The following RNF180 variants were observed in gnomAD, a reference collection of about 807,000 sequenced individuals.
The protein encoded by RNF180 is E3 ubiquitin-protein ligase RNF180.
In RNF180, 38 loss-of-function variants were observed where a neutral mutation model predicts 59.2. That is an observed-to-expected ratio of 0.64 (90% CI 0.50 to 0.84). The LOEUF is 0.84. Among genes scored for constraint, RNF180 ranks in the 40% least tolerant of loss-of-function variants. The pLI is 0.00. For synonymous variants in RNF180, 262 were observed against 240.3 expected, an observed-to-expected ratio of 1.09 and a Z score of -0.84; for missense variants, 705 against 700.9, an observed-to-expected ratio of 1.01 and a Z score of -0.07.
Position 64,214,259 on chromosome 5 carries a change from G to A in RNF180, c.933G>A (p.Gln311=). The A allele has an allele frequency of 1.2e-6, 2 of 1,614,030 alleles. No homozygotes were observed. Among genetic ancestry groups the A allele is most frequent in the Non-Finnish European group, 1.7e-6 (2 of 1,179,990 alleles). Residue 311 remains glutamine, a synonymous_variant, in exon 4 of 8, where the codon CAG becomes CAA. Transcript: ENST00000389100. The stretch of plus-strand genomic sequence containing the variant: ...AGACACAAAGAGGAGGAGAATTTCA[G>A]TGTGGTCTAGAAGCTGCTTCAGTGT... ...ETQTQRGGEF[Q]CGLEAASVYS...
At chr5:64,291,824 T>G (rs1742605629) in intron 5 of RNF180, among the ~76,000 whole-genome samples, 1 of 152,312 alleles carries the variant, frequency 6.6e-6, no homozygotes, top group South Asian at 2.1e-4. Context: ...TCATGTTTCT[T>G]GAAGGTTTTA....
At chr5:64,242,522 A>G (rs576657460) in intron 5 of RNF180, among the ~76,000 whole-genome samples, 119 of 152,306 alleles carry the variant, frequency 7.8e-4, no homozygotes, top group Admixed American at 2.4e-3. Flanking sequence ...AGGACGAGAA[A>G]TGTAATAAGG....
intron 5 of RNF180, among the ~76,000 whole-genome samples, chr5:64,288,946 AG>A (rs1308356972): frequency 3.3e-5 from 5 of 152,282 alleles, no homozygotes; most frequent in African/African-American, 1.2e-4. Flanking sequence ...GAGTGGTGAG[AG>A]AGGGCATCCT....
chr5:64,311,456 A>T (rs1042890738), intron 5 of RNF180, among the ~76,000 whole-genome samples: 2 of 151,910 alleles, frequency 1.3e-5, no homozygotes, highest in African/African-American at 4.8e-5. Flanking sequence ...AAAAAAATAG[A>T]TGGAGATGTA....
Position 64,372,409 on chromosome 5 carries a change from G to T in RNF180, c.*2595G>T, listed in dbSNP as rs565022591. 17 of 151,920 alleles carry T rather than the reference G, an allele frequency of 1.1e-4. No individual in the cohort carries two copies. The highest frequency in any genetic ancestry group is 3.9e-4 in the African/African-American group (16 of 41,536). The allele number at this position is 151,920 out of a possible 1,614,324, so 9.4% of individuals were successfully genotyped here. A position where few individuals can be genotyped will look rare whatever the true frequency, so the allele number is the denominator to read the frequency against. ...ATCAGGAATGGAAAAAAAAATTTCT[G>T]TATCTGCTGAATTATTAATGCCACT... On this transcript the variant is annotated 3_prime_UTR_variant, in exon 8 of 8. Coordinates refer to ENST00000389100, the MANE Select transcript of RNF180 (RefSeq NM_001113561.2).
intron 1 of RNF180, among the ~76,000 whole-genome samples, chr5:64,171,855 T>A (rs1290252514): frequency 6.6e-6 from 1 of 151,470 alleles, no homozygotes; most frequent in Non-Finnish European, 1.5e-5. Context: ...CCCCCACCAA[T>A]AACTAACAGC....
intron 5 of RNF180, among the ~76,000 whole-genome samples, chr5:64,260,980 C>T (rs559801435): frequency 2.1e-4 from 31 of 148,474 alleles, no homozygotes; most frequent in African/African-American, 7.5e-4. Flanking sequence ...TGGATTTAAT[C>T]CAACAGTCAT....
intron 5 of RNF180, among the ~76,000 whole-genome samples, chr5:64,312,860 G>A (rs1385467382): frequency 6.6e-6 from 1 of 152,098 alleles, no homozygotes. Context: ...GGGTCTTCTA[G>A]TAGCTCTTCT....
intron 2 of RNF180, among the ~76,000 whole-genome samples, chr5:64,206,230 G>T (rs1283372991): frequency 1.3e-5 from 2 of 152,164 alleles, no homozygotes; most frequent in Non-Finnish European, 2.9e-5. Flanking sequence ...ACTTTTAGGG[G>T]CAGTTACCAA....
chr5:64,307,033 G>A (rs948659148), intron 5 of RNF180, among the ~76,000 whole-genome samples: 1 of 151,224 alleles, frequency 6.6e-6, no homozygotes, highest in Non-Finnish European at 1.5e-5. Flanking sequence ...CCATAAAATG[G>A]TTAATGTAAT....
Position 64,214,214 on chromosome 5 carries a change from A to C in RNF180, c.888A>C (p.Ser296=), listed in dbSNP as rs1752489257. The C allele has an allele frequency of 6.2e-7, 1 of 1,614,084 alleles. No individual in the cohort carries two copies. Among genetic ancestry groups the C allele is most frequent in the African/African-American group, 1.3e-5 (1 of 75,028 alleles). ...CTAGTATGCTGCTGCAAAGATTTTC[A>C]GTGGCCCCCCATGAGACCCAGACAC... ...FDPSMLLQRF[S]VAPHETQTQR... Residue 296 remains serine (S), a synonymous_variant, in exon 4 of 8, where the codon TCA becomes TCC. Coordinates refer to ENST00000389100, the MANE Select transcript of RNF180 (RefSeq NM_001113561.2).
intron 5 of RNF180, among the ~76,000 whole-genome samples, chr5:64,321,961 A>G (rs1744375240): frequency 1.3e-5 from 2 of 152,226 alleles, no homozygotes; most frequent in South Asian, 2.1e-4. Context: ...AGCCATATGC[A>G]GAAAACAAAC....
intron 5 of RNF180, among the ~76,000 whole-genome samples, chr5:64,294,724 A>G (rs1458420898): frequency 6.6e-6 from 1 of 152,186 alleles, no homozygotes; most frequent in South Asian, 2.1e-4. Flanking sequence ...GTATCATACT[A>G]TATTAAATTG....
chr5:64,242,768 T>C (rs570299081), intron 5 of RNF180, among the ~76,000 whole-genome samples: 18 of 152,284 alleles, frequency 1.2e-4, no homozygotes, highest in African/African-American at 3.4e-4. Flanking sequence ...TCAAGACATA[T>C]AATAATCACA....
chr5:64,261,968 T>C (rs1414042727), intron 5 of RNF180, among the ~76,000 whole-genome samples: 1 of 152,200 alleles, frequency 6.6e-6, no homozygotes, highest in Non-Finnish European at 1.5e-5. Context: ...CAGAGTCTTA[T>C]TGACCAGAAC....
intron 5 of RNF180, among the ~76,000 whole-genome samples, chr5:64,285,336 A>G (rs1396972158): frequency 6.6e-6 from 1 of 152,194 alleles, no homozygotes; most frequent in Non-Finnish European, 1.5e-5. Flanking sequence ...AGCAGGTTGT[A>G]TACATATCAG....
intron 7 of RNF180, among the ~76,000 whole-genome samples, chr5:64,340,539 G>A (rs1745316248): frequency 6.6e-6 from 1 of 152,212 alleles, no homozygotes; most frequent in African/African-American, 2.4e-5. Flanking sequence ...GCATGAGTGT[G>A]AATATAACGC....
chr5:64,234,434 C>A (rs1742283149), intron 5 of RNF180, among the ~76,000 whole-genome samples: 1 of 151,674 alleles, frequency 6.6e-6, no homozygotes, highest in Non-Finnish European at 1.5e-5. Flanking sequence ...CCAGTGCACT[C>A]CAGCATGGGC....
intron 2 of RNF180, among the ~76,000 whole-genome samples, chr5:64,203,312 A>G (rs1276653718): frequency 6.6e-6 from 1 of 152,194 alleles, no homozygotes; most frequent in African/African-American, 2.4e-5. Context: ...ATATGTGAAC[A>G]TATATATGTT....
Sources: gnomAD v4.1 joint callset for allele counts (sites outside exome capture counted in the v4.1 genomes callset) on GRCh38, gnomAD v4.1.1 for gene constraint, MANE v1.5 for transcripts, NCBI Gene and HGNC (gene_info 2026-07-23, HGNC 2026-07-21) for gene names.